PIBF1: variants seen among roughly 807,000 people sequenced by gnomAD.
PIBF1 encodes progesterone-induced-blocking factor 1.
A neutral mutation model predicts 112.5 loss-of-function variants in PIBF1; 90 were observed. That is an observed-to-expected ratio of 0.80 (90% CI 0.67 to 0.95). The LOEUF (loss-of-function observed/expected upper bound fraction) is 0.95. Among genes scored for constraint, PIBF1 ranks in the 40% least tolerant of loss-of-function variants. The probability of loss-of-function intolerance (pLI) is 0.00; values close to 1 mark genes in which losing one functional copy is unlikely to be tolerated. For missense variants in PIBF1, 915 were observed against 852.3 expected, an observed-to-expected ratio of 1.07 and a Z score of -0.92; for synonymous variants, 301 against 288.6, an observed-to-expected ratio of 1.04 and a Z score of -0.44.
chr13:72,939,841 T>C (rs2138810679), intron 14 of PIBF1, among the ~76,000 whole-genome samples: 1 of 152,232 alleles, frequency 6.6e-6, no homozygotes, highest in East Asian at 1.9e-4. Context: ...CTCTCTCTCT[T>C]TTTCAGTAGT....
chr13:72,928,713 T>C (rs1257388989), intron 13 of PIBF1, among the ~76,000 whole-genome samples: 1 of 152,240 alleles, frequency 6.6e-6, no homozygotes, highest in Non-Finnish European at 1.5e-5. Flanking sequence ...GTGCTGGGAT[T>C]ATAGGCGTGA....
At chr13:72,992,506 CAG>C (rs1293408253) in intron 16 of PIBF1, among the ~76,000 whole-genome samples, 3 of 152,054 alleles carry the variant, frequency 2.0e-5, no homozygotes, top group Non-Finnish European at 4.4e-5. Flanking sequence ...TCCACGTACA[CAG>C]AGATTGTACT....
chr13:73,006,166 A>G (rs1594358559), intron 17 of PIBF1, among the ~76,000 whole-genome samples: 1 of 151,922 alleles, frequency 6.6e-6, no homozygotes, highest in Admixed American at 6.6e-5. Context: ...TGATCTGCCC[A>G]CCTCGGCCTC....
At chr13:72,972,534 C>T (rs1333229396) in intron 15 of PIBF1, among the ~76,000 whole-genome samples, 2 of 152,014 alleles carry the variant, frequency 1.3e-5, no homozygotes, top group Admixed American at 6.6e-5. Flanking sequence ...CATGGTGGCA[C>T]ACACCTGTAG....
At chr13:72,857,143 A>G (rs1245169086) in intron 10 of PIBF1, among the ~76,000 whole-genome samples, 2 of 152,208 alleles carry the variant, frequency 1.3e-5, no homozygotes, top group African/African-American at 2.4e-5. Context: ...AAGTAAGTGC[A>G]TTTCTAAATA....
chr13:72,825,238 T>C (rs2036747945), intron 6 of PIBF1, among the ~76,000 whole-genome samples: 1 of 152,116 alleles, frequency 6.6e-6, no homozygotes, highest in African/African-American at 2.4e-5. Context: ...TGAAAATGGA[T>C]TGTATGTTAG....
chr13:72,804,503 A>G (rs1252174642), intron 5 of PIBF1, among the ~76,000 whole-genome samples: 1 of 152,206 alleles, frequency 6.6e-6, no homozygotes, highest in African/African-American at 2.4e-5. Flanking sequence ...TGTCTGTGAC[A>G]TTCCTTCCCA....
chr13:72,804,138 A>G (rs1003848526), intron 5 of PIBF1, among the ~76,000 whole-genome samples: 1 of 152,116 alleles, frequency 6.6e-6, no homozygotes, highest in African/African-American at 2.4e-5. Context: ...GACTTTTCCA[A>G]TGGTGTCATT....
In PIBF1 at chr13:72,833,461, C is replaced by T. The variant is rs570720919; in HGVS notation, c.1098-1782C>T. 7.2e-5 allele frequency among the ~76,000 whole-genome samples: 11 copies of T among 151,948 alleles called. No homozygotes were observed. In the South Asian group the frequency reaches 1.9e-3, roughly 26 times the overall value. ...CCTTCAGATGGGGTCTTTGAGTGGA[C>T]GTGCTATTCCTTTGTGTTTGTTAAT... is the stretch of plus-strand genomic sequence containing the variant. On this transcript the variant is annotated intron_variant, in intron 8 of 17. Coordinates refer to ENST00000326291, the MANE Select transcript of PIBF1 (RefSeq NM_006346.4).
intron 5 of PIBF1, among the ~76,000 whole-genome samples, chr13:72,816,150 A>G (rs187214153): frequency 9.9e-4 from 151 of 152,306 alleles, no homozygotes; most frequent in African/African-American, 3.5e-3. Flanking sequence ...AATACTAGTA[A>G]TAGAGTGTTA....
At chr13:73,007,405 TC>T (rs1297553749) in intron 17 of PIBF1, among the ~76,000 whole-genome samples, 4 of 151,862 alleles carry the variant, frequency 2.6e-5, no homozygotes, top group Non-Finnish European at 5.9e-5. Context: ...CAAGCAGTTC[TC>T]CAAAAATCAG....
At position 72,973,626 on chromosome 13, in the gene PIBF1, C is replaced by A; in HGVS notation, c.2000C>A (p.Thr667Lys). Reference protein sequence around the residue: ...LNKEKSALLQTKNQMALDLEQ... With the variant: ...LNKEKSALLQKKNQMALDLEQ... ...AAAGAAAAGTCAGCTTTACTACAGACGAAGAATCAAATGGCATTAGATTTA... is the reference window on the plus strand; with the variant it reads ...AAAGAAAAGTCAGCTTTACTACAGAAGAAGAATCAAATGGCATTAGATTTA... The change falls in exon 16 of 18, where the codon ACG becomes AAG. Residue 667 changes from threonine (T) to lysine (K), a missense_variant. By Grantham distance (78) the Thr-to-Lys change is moderately conservative. Coordinates refer to ENST00000326291, the MANE Select transcript of PIBF1 (RefSeq NM_006346.4). 1 of 1,571,914 alleles carries A rather than the reference C, an allele frequency of 6.4e-7. No individual in the cohort carries two copies. The highest frequency in any genetic ancestry group is 1.9e-5 in the Admixed American group (1 of 52,798).
chr13:72,947,445 C>G (rs2042179079), intron 14 of PIBF1, among the ~76,000 whole-genome samples: 1 of 152,218 alleles, frequency 6.6e-6, no homozygotes, highest in African/African-American at 2.4e-5. Context: ...CTGACATACC[C>G]TGGAGACATT....
intron 10 of PIBF1, among the ~76,000 whole-genome samples, chr13:72,855,768 G>A (rs113262296): frequency 1.3e-3 from 197 of 151,990 alleles, no homozygotes; most frequent in Non-Finnish European, 2.2e-3. Flanking sequence ...ATTTTATTAC[G>A]TGTAACGCTT....
intron 10 of PIBF1, among the ~76,000 whole-genome samples, chr13:72,867,134 G>C (rs1158549699): frequency 6.6e-6 from 1 of 152,122 alleles, no homozygotes; most frequent in South Asian, 2.1e-4. Context: ...TTGAATCACG[G>C]GGGCAGATCT....
At chr13:72,896,185 T>C (rs1379906479) in intron 11 of PIBF1, among the ~76,000 whole-genome samples, 1 of 152,050 alleles carries the variant, frequency 6.6e-6, no homozygotes, top group East Asian at 1.9e-4. Context: ...TGGGTAGCTA[T>C]ACCCAGAAGA....
intron 2 of PIBF1, among the ~76,000 whole-genome samples, chr13:72,787,566 G>A (rs2034668398): frequency 6.6e-6 from 1 of 152,190 alleles, no homozygotes; most frequent in South Asian, 2.1e-4. Context: ...ACACCACGCG[G>A]TATTTGATTC....
intron 15 of PIBF1, among the ~76,000 whole-genome samples, chr13:72,967,939 A>C (rs1408746016): frequency 6.6e-6 from 1 of 152,122 alleles, no homozygotes; most frequent in Non-Finnish European, 1.5e-5. Flanking sequence ...TAATCCCAGC[A>C]CTTTGGGAGG....
intron 16 of PIBF1, among the ~76,000 whole-genome samples, chr13:72,987,379 A>G (rs532266050): frequency 1.3e-5 from 2 of 150,850 alleles, no homozygotes; most frequent in African/African-American, 4.9e-5. Flanking sequence ...CTAGATTAAT[A>G]CCTAATGTGT....
Sources: gnomAD v4.1 joint callset for allele counts (sites outside exome capture counted in the v4.1 genomes callset) on GRCh38, gnomAD v4.1.1 for gene constraint, MANE v1.5 for transcripts, NCBI Gene and HGNC (gene_info 2026-07-23, HGNC 2026-07-21) for gene names.